Variants in GNAQ observed in about 807,000 individuals in gnomAD.
GNAQ encodes guanine nucleotide-binding protein G(q) subunit alpha.
In GNAQ, 8 loss-of-function variants were observed where a neutral mutation model predicts 43.9. That is an observed-to-expected ratio of 0.18 (90% CI 0.11 to 0.33). The LOEUF is 0.33. Among genes scored for constraint, GNAQ ranks in the 10% least tolerant of loss-of-function variants. The pLI is 1.00. For missense variants in GNAQ, 158 were observed against 450.8 expected, an observed-to-expected ratio of 0.35 and a Z score of 5.88; for synonymous variants, 155 against 170.7, an observed-to-expected ratio of 0.91 and a Z score of 0.71.
intron 1 of GNAQ, among the ~76,000 whole-genome samples, chr9:77,948,112 T>C (rs1335805363): frequency 6.6e-6 from 1 of 152,234 alleles, no homozygotes; most frequent in Non-Finnish European, 1.5e-5. Context: ...CTCCTATACC[T>C]ATCATACAAA....
chr9:78,022,540 T>TA (rs1184308580), intron 1 of GNAQ, among the ~76,000 whole-genome samples: 1 of 152,106 alleles, frequency 6.6e-6, no homozygotes, highest in Non-Finnish European at 1.5e-5. Context: ...AAATAAAAAA[T>TA]AAAAAACTTT....
At chr9:77,815,522 T>G in intron 3 of GNAQ, 94 bp downstream of exon 3, 6 of 752,572 alleles carry the variant, frequency 8.0e-6, no homozygotes, top group South Asian at 5.9e-5. Flanking sequence ...ATATATGACA[T>G]ATACAGGACA....
At chr9:78,014,463 G>A (rs1250960576) in intron 1 of GNAQ, among the ~76,000 whole-genome samples, 1 of 152,012 alleles carries the variant, frequency 6.6e-6, no homozygotes, top group Admixed American at 6.6e-5. Flanking sequence ...AAAATTAGCT[G>A]GGTGTGGTGG....
chr9:78,021,478 T>A (rs773703621), intron 1 of GNAQ, among the ~76,000 whole-genome samples: 9 of 152,266 alleles, frequency 5.9e-5, no homozygotes, highest in Non-Finnish European at 1.3e-4. Context: ...TATCTGTTTT[T>A]CTGCTTTTAA....
At chr9:77,876,592 A>T (rs1828128238) in intron 2 of GNAQ, among the ~76,000 whole-genome samples, 2 of 152,312 alleles carry the variant, frequency 1.3e-5, no homozygotes, top group African/African-American at 2.4e-5. Context: ...CCTTAAACCC[A>T]TTGTTTCCAG....
intron 2 of GNAQ, among the ~76,000 whole-genome samples, chr9:77,918,748 C>T (rs192558032): frequency 1.5e-3 from 233 of 152,238 alleles, no homozygotes; most frequent in Non-Finnish European, 2.5e-3. Context: ...CTGCCCTTCT[C>T]CCTTTCTGGA....
chr9:77,993,218 GA>G (rs1185628319), intron 1 of GNAQ, among the ~76,000 whole-genome samples: 3 of 152,072 alleles, frequency 2.0e-5, no homozygotes, highest in Admixed American at 1.3e-4. Flanking sequence ...CTCTAATGGA[GA>G]AATATGCTTT....
At chr9:77,981,476 G>T (rs555691383) in intron 1 of GNAQ, among the ~76,000 whole-genome samples, 1 of 152,182 alleles carries the variant, frequency 6.6e-6, no homozygotes, top group Admixed American at 6.5e-5. Context: ...AGAAGGTGTG[G>T]AAGGCCACGG....
intron 3 of GNAQ, among the ~76,000 whole-genome samples, chr9:77,798,042 CT>C (rs943282478): frequency 2.0e-5 from 3 of 151,864 alleles, no homozygotes; most frequent in African/African-American, 7.3e-5. Flanking sequence ...GTCAGAATGC[CT>C]TTTTTTTCTT....
At chr9:78,017,345 T>C (rs1368358892) in intron 1 of GNAQ, among the ~76,000 whole-genome samples, 1 of 152,210 alleles carries the variant, frequency 6.6e-6, no homozygotes, top group Non-Finnish European at 1.5e-5. Context: ...CAGCACTGTA[T>C]GATTCAAAAT....
At chr9:77,895,727 C>A (rs983142732) in intron 2 of GNAQ, among the ~76,000 whole-genome samples, 7 of 152,246 alleles carry the variant, frequency 4.6e-5, no homozygotes, top group African/African-American at 1.7e-4. Context: ...CCATAATTCC[C>A]ATGTGTTGCA....
chr9:78,021,174 G>C (rs1466192291), intron 1 of GNAQ, among the ~76,000 whole-genome samples: 1 of 151,194 alleles, frequency 6.6e-6, no homozygotes, highest in African/African-American at 2.4e-5. Context: ...CACAGGCATG[G>C]GCACCCACGC....
chr9:77,763,964 G>A (rs565575526), intron 5 of GNAQ, among the ~76,000 whole-genome samples: 99 of 152,256 alleles, frequency 6.5e-4, no homozygotes, highest in African/African-American at 2.3e-3. Context: ...TGTTTTCTTC[G>A]AAGGCTTGGA....
intron 1 of GNAQ, among the ~76,000 whole-genome samples, chr9:77,943,660 CTTTT>C (rs34195207): frequency 5.2e-5 from 6 of 116,146 alleles, no homozygotes; most frequent in Middle Eastern, 4.6e-3. Flanking sequence ...AAGTAACTAA[CTTTT>C]TTTTTTTTTT....
Position 77,794,896 on chromosome 9 carries a change from G to A in GNAQ, c.606-304C>T, listed in dbSNP as rs4361824. The stretch of plus-strand genomic sequence containing the variant: ...AAAATGGTATTTTATTTAATGAAGC[G>A]CTGAAGAGTCCAAAACTGAATGAGT... On this transcript the variant is annotated intron_variant, in intron 4 of 6. Coordinates refer to ENST00000286548, the MANE Select transcript of GNAQ (RefSeq NM_002072.5). 0.54 allele frequency among the ~76,000 whole-genome samples: 82,211 copies of A among 151,958 alleles called. 25,015 individuals are homozygous for A. Among genetic ancestry groups the A allele is most frequent in the Non-Finnish European group, 0.68 (46,403 of 67,968 alleles).
intron 2 of GNAQ, among the ~76,000 whole-genome samples, chr9:77,856,601 C>A (rs888062471): frequency 3.9e-5 from 6 of 152,028 alleles, no homozygotes; most frequent in Non-Finnish European, 7.4e-5. Context: ...AGCCTTGCCC[C>A]GAACTTCAGA....
chr9:77,891,820 A>C (rs990326359), intron 2 of GNAQ, among the ~76,000 whole-genome samples: 1 of 152,198 alleles, frequency 6.6e-6, no homozygotes, highest in Non-Finnish European at 1.5e-5. Context: ...GTATTCCTTT[A>C]GTGTCTAAGC....
chr9:77,960,522 G>C (rs1823094643), intron 1 of GNAQ, among the ~76,000 whole-genome samples: 1 of 152,150 alleles, frequency 6.6e-6, no homozygotes. Flanking sequence ...AGCTAAAGGA[G>C]GTGGTTGGTG....
chr9:77,797,323 G>A lies in GNAQ; in HGVS notation c.605+197C>T, dbSNP rs528242478. Among the ~76,000 whole-genome samples the A allele has an allele frequency of 2.2e-3, 331 of 152,240 alleles. 1 individual carries two copies. Among genetic ancestry groups the A allele is most frequent in the Non-Finnish European group, 3.4e-3 (234 of 68,014 alleles). On this transcript the variant is annotated intron_variant, in intron 4 of 6. Coordinates refer to ENST00000286548, the MANE Select transcript of GNAQ (RefSeq NM_002072.5). ...GCTGGGATAACAGGCGTGAGCCACCGCGCCCGGCCTCCAGTACATCTTTCT... is the reference window on the plus strand; with the variant it reads ...GCTGGGATAACAGGCGTGAGCCACCACGCCCGGCCTCCAGTACATCTTTCT...
Sources: gnomAD v4.1 joint callset for allele counts (sites outside exome capture counted in the v4.1 genomes callset) on GRCh38, gnomAD v4.1.1 for gene constraint, MANE v1.5 for transcripts, NCBI Gene and HGNC (gene_info 2026-07-23, HGNC 2026-07-21) for gene names.